Variants in SPAG16 observed in about 807,000 individuals in gnomAD.
The protein encoded by SPAG16 is sperm associated antigen 16, also known as sperm-associated antigen 16 protein.
A neutral mutation model predicts 80.4 loss-of-function variants in SPAG16; 86 were observed. The ratio of observed to expected loss-of-function variants is 1.07; its 90% CI spans 0.90 to 1.28. SPAG16 has a LOEUF of 1.28. Among genes scored for constraint, SPAG16 ranks in the 50% most tolerant of loss-of-function variants. The pLI, the probability that SPAG16 is intolerant of heterozygous loss-of-function variation, is 0.00. For missense variants in SPAG16, 870 were observed against 765.3 expected (o/e 1.14, Z -1.61); for synonymous variants, 294 against 265.9 (o/e 1.11, Z -1.03).
intron 12 of SPAG16, among the ~76,000 whole-genome samples, chr2:213,975,207 C>A (rs1054503244): frequency 2.0e-5 from 3 of 150,756 alleles, no homozygotes; most frequent in African/African-American, 7.3e-5. Context: ...CCCAAACTTT[C>A]TATTCATATA....
chr2:213,573,283 C>G (rs1433527915), intron 10 of SPAG16, among the ~76,000 whole-genome samples: 2 of 152,246 alleles, frequency 1.3e-5, no homozygotes, highest in East Asian at 1.9e-4. Flanking sequence ...AACACAGATT[C>G]TAATCACCTC....
At chr2:214,294,295 T>A (rs1032017307) in intron 15 of SPAG16, among the ~76,000 whole-genome samples, 1 of 152,162 alleles carries the variant, frequency 6.6e-6, no homozygotes, top group Non-Finnish European at 1.5e-5. Flanking sequence ...CATTTTCCCT[T>A]TCCCTGTGTC....
chr2:214,146,861 G>T (rs1173606656), intron 14 of SPAG16, among the ~76,000 whole-genome samples: 1 of 152,062 alleles, frequency 6.6e-6, no homozygotes, highest in Non-Finnish European at 1.5e-5. Context: ...TTAGCCGGGT[G>T]TGGTGGCAGG....
At chr2:213,572,895 G>C (rs1250885942) in intron 10 of SPAG16, among the ~76,000 whole-genome samples, 1 of 152,134 alleles carries the variant, frequency 6.6e-6, no homozygotes, top group South Asian at 2.1e-4. Flanking sequence ...GTGAGACTCC[G>C]TGGGCGTAGG....
intron 3 of SPAG16, among the ~76,000 whole-genome samples, chr2:213,307,713 G>A (rs559303941): frequency 1.3e-5 from 2 of 152,084 alleles, no homozygotes; most frequent in Non-Finnish European, 2.9e-5. Context: ...TAATGGGATG[G>A]CTGGGTCAAA....
intron 10 of SPAG16, among the ~76,000 whole-genome samples, chr2:213,542,831 G>C (rs899113215): frequency 6.6e-6 from 1 of 151,984 alleles, no homozygotes; most frequent in Non-Finnish European, 1.5e-5. Flanking sequence ...GGAAACATTT[G>C]TGTCACAGAA....
At chr2:214,339,624 G>A (rs908126636) in intron 15 of SPAG16, among the ~76,000 whole-genome samples, 1 of 151,532 alleles carries the variant, frequency 6.6e-6, no homozygotes, top group African/African-American at 2.4e-5. Flanking sequence ...AGAAAAACAT[G>A]CTTATTTGTT....
intron 11 of SPAG16, among the ~76,000 whole-genome samples, chr2:213,872,620 C>A (rs2075996790): frequency 6.6e-6 from 1 of 151,946 alleles, no homozygotes; most frequent in Non-Finnish European, 1.5e-5. Context: ...ACCTCCAGTG[C>A]AATGTTGAAA....
chr2:214,333,435 C>T (rs1576805151), intron 15 of SPAG16, among the ~76,000 whole-genome samples: 1 of 152,200 alleles, frequency 6.6e-6, no homozygotes, highest in Non-Finnish European at 1.5e-5. Flanking sequence ...ATCTGACAGT[C>T]TAATATCATC....
intron 10 of SPAG16, among the ~76,000 whole-genome samples, chr2:213,853,068 C>T (rs7574465): frequency 2.0e-5 from 3 of 152,018 alleles, no homozygotes; most frequent in East Asian, 1.9e-4. Flanking sequence ...CTAATGTTCA[C>T]GGGGCACACA....
chr2:213,492,633 A>G lies in SPAG16; in HGVS notation c.1070+2543A>G, dbSNP rs1264193569. On this transcript the variant is annotated intron_variant, in intron 10 of 15. Transcript: ENST00000331683. ...CATACAGAATCTTAGTAAGTCTACA[A>G]TACAGTGTTTATTGACCCAATTATA... Among the ~76,000 whole-genome samples, 3 of 151,774 alleles carry G rather than the reference A, an allele frequency of 2.0e-5. No individual in the cohort carries two copies. In the East Asian group the frequency reaches 5.8e-4, roughly 29 times the overall value.
intron 5 of SPAG16, among the ~76,000 whole-genome samples, chr2:213,338,258 A>C (rs2064485673): frequency 6.6e-6 from 1 of 152,218 alleles, no homozygotes; most frequent in South Asian, 2.1e-4. Context: ...GCCACTACAA[A>C]AACACACTGA....
At chr2:214,073,953 T>C (rs1232628041) in intron 13 of SPAG16, among the ~76,000 whole-genome samples, 2 of 152,228 alleles carry the variant, frequency 1.3e-5, no homozygotes, top group East Asian at 3.8e-4. Flanking sequence ...TGAATGTTTG[T>C]GTCCCTTCTA....
intron 10 of SPAG16, among the ~76,000 whole-genome samples, chr2:213,811,534 T>C (rs1270989299): frequency 6.6e-6 from 1 of 152,150 alleles, no homozygotes; most frequent in African/African-American, 2.4e-5. Context: ...CTCTCTTCTT[T>C]TGTTTTTCTT....
intron 10 of SPAG16, among the ~76,000 whole-genome samples, chr2:213,712,956 G>A (rs2066066729): frequency 6.6e-6 from 1 of 152,072 alleles, no homozygotes; most frequent in African/African-American, 2.4e-5. Flanking sequence ...AGGTTTAATG[G>A]ACTCACAGTT....
intron 10 of SPAG16, among the ~76,000 whole-genome samples, chr2:213,751,202 T>A (rs2068062682): frequency 6.6e-6 from 1 of 152,168 alleles, no homozygotes; most frequent in Non-Finnish European, 1.5e-5. Flanking sequence ...TTACTATAGT[T>A]GCTGCCTCTA....
chr2:214,201,919 C>G (rs865846396), intron 15 of SPAG16, among the ~76,000 whole-genome samples: 1 of 152,058 alleles, frequency 6.6e-6, no homozygotes, highest in Non-Finnish European at 1.5e-5. Context: ...AATCACAACT[C>G]ACTGCAGCCT....
chr2:214,076,067 ATAG>A (rs1341428209), intron 13 of SPAG16, among the ~76,000 whole-genome samples: 1 of 152,186 alleles, frequency 6.6e-6, no homozygotes, highest in Non-Finnish European at 1.5e-5. Context: ...TATATTTGAC[ATAG>A]TAGAGTATAT....
In SPAG16 at chr2:213,322,104, GT is replaced by G. The variant is rs1456854872; in HGVS notation, c.536+4749del. The stretch of plus-strand genomic sequence containing the variant: ...TAAATAAATAAATAAATAAAAAAAA[GT>G]AAAAAAAAAAGATTATAAAACACCA... On this transcript the variant is annotated intron_variant, in intron 5 of 15. Coordinates refer to ENST00000331683, the MANE Select transcript of SPAG16 (RefSeq NM_024532.5). Among the ~76,000 whole-genome samples, 5 of 148,776 alleles carry G rather than the reference GT, an allele frequency of 3.4e-5. No homozygotes were observed. In the East Asian group the frequency reaches 9.7e-4, roughly 29 times the overall value.
Sources: gnomAD v4.1 joint callset for allele counts (sites outside exome capture counted in the v4.1 genomes callset) on GRCh38, gnomAD v4.1.1 for gene constraint, MANE v1.5 for transcripts, NCBI Gene and HGNC (gene_info 2026-07-23, HGNC 2026-07-21) for gene names.